Variants in SAMMSON observed in about 807,000 individuals in gnomAD.
SAMMSON encodes the protein survival associated mitochondrial melanoma specific oncogenic non-coding RNA.
At chr3:70,103,362 G>A (rs561407370) in intron 4 of SAMMSON, among the ~76,000 whole-genome samples, 1 of 152,262 alleles carries the variant, frequency 6.6e-6, no homozygotes, top group African/African-American at 2.4e-5. Flanking sequence ...CTATGGCAAT[G>A]TTTCCCAGTT....
At chr3:70,134,565 C>T (rs1428581630) in intron 4 of SAMMSON, among the ~76,000 whole-genome samples, 3 of 151,750 alleles carry the variant, frequency 2.0e-5, no homozygotes, top group South Asian at 4.2e-4. Flanking sequence ...AACTTGCATG[C>T]TTTACATAGA....
At chr3:70,089,186 G>C (rs897153280) in intron 4 of SAMMSON, among the ~76,000 whole-genome samples, 2 of 152,058 alleles carry the variant, frequency 1.3e-5, no homozygotes, top group Non-Finnish European at 2.9e-5. Context: ...TTTATTTGAG[G>C]ATCTCTCTAA....
At chr3:70,014,079 T>C (rs1211975424) in intron 3 of SAMMSON, 1 of 152,112 alleles carries the variant, frequency 6.6e-6, no homozygotes, top group East Asian at 1.9e-4. Flanking sequence ...CTCCTCAGTA[T>C]TGGTTTCATT....
intron 4 of SAMMSON, among the ~76,000 whole-genome samples, chr3:70,160,836 T>C (rs1291410148): frequency 6.6e-6 from 1 of 152,094 alleles, no homozygotes; most frequent in African/African-American, 2.4e-5. Context: ...ATATAGAATA[T>C]CTCTCCATTA....
intron 2 of SAMMSON, among the ~76,000 whole-genome samples, chr3:70,396,533 AC>A (rs923438838): frequency 1.3e-5 from 2 of 152,352 alleles, no homozygotes; most frequent in Admixed American, 1.3e-4. Flanking sequence ...TTCTAGGGAT[AC>A]AGCAGTAAGT....
Position 70,196,912 on chromosome 3 carries a change from G to A in SAMMSON, n.508-52195G>A, listed in dbSNP as rs139435635. On this transcript the variant is annotated intron_variant and non_coding_transcript_variant, in intron 4 of 9. Coordinates refer to ENST00000642114, the Ensembl canonical transcript of SAMMSON. Reference sequence around the variant, plus strand: ...TGGCCAAAAGGACTGCCGGAATGTGGTTACTTCACTGTGCTAGCGGTAACA... The same window carrying A: ...TGGCCAAAAGGACTGCCGGAATGTGATTACTTCACTGTGCTAGCGGTAACA... 254 of 398,498 alleles carry A rather than the reference G, an allele frequency of 6.4e-4. 2 individuals are homozygous for A. Among genetic ancestry groups the A allele is most frequent in the East Asian group, 6.1e-3 (172 of 28,072 alleles). The allele number at this position is 398,498 out of a possible 1,614,324, so 24.7% of individuals were successfully genotyped here.
chr3:70,415,249 C>T (rs560582645), intron 2 of SAMMSON, among the ~76,000 whole-genome samples: 9 of 152,252 alleles, frequency 5.9e-5, no homozygotes, highest in African/African-American at 1.7e-4. Flanking sequence ...CTGTCATCTT[C>T]GCATCTTCTG....
chr3:70,347,997 C>T (rs1047772424), intron 7 of SAMMSON, among the ~76,000 whole-genome samples: 5 of 152,020 alleles, frequency 3.3e-5, no homozygotes, highest in East Asian at 1.9e-4. Context: ...GAGACCAGAT[C>T]GCGCCACTAC....
upstream of SAMMSON, chr3:69,999,673 AC>A (rs951637647): frequency 2.0e-5 from 3 of 151,966 alleles, no homozygotes; most frequent in African/African-American, 7.3e-5. Flanking sequence ...TTCCAAGCCT[AC>A]CCTTGCCGGC....
At chr3:70,077,068 T>C (rs1346575092) in intron 4 of SAMMSON, among the ~76,000 whole-genome samples, 1 of 152,184 alleles carries the variant, frequency 6.6e-6, no homozygotes, top group Non-Finnish European at 1.5e-5. Context: ...AAGCTTAATT[T>C]CATTAACTCT....
intron 2 of SAMMSON, among the ~76,000 whole-genome samples, chr3:70,420,022 T>G (rs1701299029): frequency 6.6e-6 from 1 of 152,212 alleles, no homozygotes; most frequent in African/African-American, 2.4e-5. Context: ...TCCCAAAAAC[T>G]CTTTGAGAGA....
At chr3:70,302,665 T>G (rs1702362750) in intron 7 of SAMMSON, 1 of 152,180 alleles carries the variant, frequency 6.6e-6, no homozygotes, top group Non-Finnish European at 1.5e-5. Context: ...CACTGTTACT[T>G]CATAAAACTG....
chr3:70,191,428 C>T (rs1186121533), intron 4 of SAMMSON, among the ~76,000 whole-genome samples: 1 of 152,228 alleles, frequency 6.6e-6, no homozygotes, highest in South Asian at 2.1e-4. Flanking sequence ...GCATTGTGCA[C>T]GAATGACTCT....
intron 6 of SAMMSON, among the ~76,000 whole-genome samples, chr3:70,253,400 G>A (rs1335885860): frequency 1.3e-5 from 2 of 152,184 alleles, no homozygotes; most frequent in Non-Finnish European, 2.9e-5. Context: ...AGTGGATGAA[G>A]AGTTGTAGAA....
At chr3:70,395,328 TC>T (rs1559580109) in intron 2 of SAMMSON, among the ~76,000 whole-genome samples, 12 of 120,742 alleles carry the variant, frequency 9.9e-5, no homozygotes, top group African/African-American at 3.9e-4. Flanking sequence ...TCTCTCTCTC[TC>T]TCTTTTTTTT....
At position 70,324,199 on chromosome 3, in the gene SAMMSON, C is replaced by CTATCTATCATCT. The variant is rs1553655704; in HGVS notation, n.740-29976_740-29975insTATCTATCATCT. ...TCTATCTATCTATCTATCTATCTAT[C>CTATCTATCATCT]ATCTATCTATCTATCCACACACACA... On this transcript the variant is annotated intron_variant and non_coding_transcript_variant, in intron 7 of 9. Transcript: ENST00000642114. Among the ~76,000 whole-genome samples, 38 of 90,322 alleles carry CTATCTATCATCT rather than the reference C, an allele frequency of 4.2e-4. 1 individual carries two copies. Among genetic ancestry groups the CTATCTATCATCT allele is most frequent in the South Asian group, 1.1e-3 (3 of 2,842 alleles). 59.3% of individuals were successfully genotyped at this position (90,322 alleles called of 152,430 possible). A position where few individuals can be genotyped will look rare whatever the true frequency, so the allele number is the denominator to read the frequency against.
chr3:70,165,743 T>A (rs2067634210), intron 4 of SAMMSON, among the ~76,000 whole-genome samples: 1 of 151,996 alleles, frequency 6.6e-6, no homozygotes, highest in African/African-American at 2.4e-5. Flanking sequence ...TGCTTCTCTG[T>A]CTACTCTTTT....
intron 3 of SAMMSON, among the ~76,000 whole-genome samples, chr3:70,034,865 C>A (rs2067079613): frequency 6.6e-6 from 1 of 151,998 alleles, no homozygotes; most frequent in South Asian, 2.1e-4. Flanking sequence ...ACAAACAAAA[C>A]CCTTTTGTTC....
chr3:70,282,116 T>C (rs1426010774), intron 6 of SAMMSON, among the ~76,000 whole-genome samples: 2 of 152,062 alleles, frequency 1.3e-5, no homozygotes, highest in South Asian at 2.1e-4. Flanking sequence ...GTGTTTCAGC[T>C]GGGGAAATGG....
Sources: gnomAD v4.1 joint callset for allele counts (sites outside exome capture counted in the v4.1 genomes callset) on GRCh38, gnomAD v4.1.1 for gene constraint, MANE v1.5 for transcripts, NCBI Gene and HGNC (gene_info 2026-07-23, HGNC 2026-07-21) for gene names.